Variants in PHACTR1 observed in about 807,000 individuals in gnomAD.
PHACTR1 encodes the protein RPEL repeat containing 1.
PHACTR1 carries 16 observed loss-of-function variants against 69.2 expected under a neutral mutation model. That is an observed-to-expected ratio of 0.23 (90% CI 0.16 to 0.35). PHACTR1 has a LOEUF of 0.35. Among genes scored for constraint, PHACTR1 ranks in the 10% least tolerant of loss-of-function variants. The pLI is 1.00. For synonymous variants in PHACTR1, 312 were observed against 284.5 expected (o/e 1.10, Z -0.97); for missense variants, 510 against 734.7 (o/e 0.69, Z 3.54).
chr6:13,089,109 A>G (rs1812787091), intron 5 of PHACTR1, among the ~76,000 whole-genome samples: 1 of 152,166 alleles, frequency 6.6e-6, no homozygotes, highest in African/African-American at 2.4e-5. Context: ...TCCACTAACA[A>G]GAGGACAAAC....
intron 4 of PHACTR1, among the ~76,000 whole-genome samples, chr6:12,924,067 CTG>C (rs1787999456): frequency 6.6e-6 from 1 of 152,144 alleles, no homozygotes. Flanking sequence ...CAAATACAAA[CTG>C]TGCTTTTTGT....
chr6:12,961,001 C>T (rs748557266), intron 4 of PHACTR1, among the ~76,000 whole-genome samples: 5 of 152,124 alleles, frequency 3.3e-5, no homozygotes, highest in Non-Finnish European at 7.3e-5. Flanking sequence ...GTAAAGATGC[C>T]AAAGGCCCTT....
At chr6:12,816,446 T>G (rs1421100801) in intron 4 of PHACTR1, among the ~76,000 whole-genome samples, 1 of 152,218 alleles carries the variant, frequency 6.6e-6, no homozygotes, top group African/African-American at 2.4e-5. Context: ...AGATAAAGTC[T>G]GATTAGGTTT....
intron 5 of PHACTR1, among the ~76,000 whole-genome samples, chr6:13,134,051 T>C (rs976396899): frequency 1.9e-4 from 28 of 145,838 alleles, no homozygotes; most frequent in African/African-American, 7.0e-4. Context: ...GTGAGGAGTG[T>C]CTCTGCCCTG....
intron 4 of PHACTR1, among the ~76,000 whole-genome samples, chr6:13,036,525 T>C (rs1442476748): frequency 3.9e-5 from 6 of 152,188 alleles, no homozygotes; most frequent in Admixed American, 3.9e-4. Context: ...ATATGTCAAA[T>C]ATGACCAAAA....
chr6:13,093,927 A>G (rs967242679), intron 5 of PHACTR1, among the ~76,000 whole-genome samples: 1 of 152,182 alleles, frequency 6.6e-6, no homozygotes, highest in Non-Finnish European at 1.5e-5. Flanking sequence ...GCTGGGGTGC[A>G]GTGGTGCAAT....
chr6:13,147,595 TG>T (rs749488188), intron 5 of PHACTR1, among the ~76,000 whole-genome samples: 9 of 152,256 alleles, frequency 5.9e-5, no homozygotes, highest in Non-Finnish European at 1.0e-4. Context: ...CACTCTTGTC[TG>T]ACCTATTTGA....
intron 4 of PHACTR1, among the ~76,000 whole-genome samples, chr6:12,817,435 A>G (rs1412741): frequency 0.36 from 54,393 of 152,086 alleles, 10,202 homozygotes; most frequent in African/African-American, 0.44. Context: ...GTCAGATCTG[A>G]GATTGAAACC....
intron 4 of PHACTR1, among the ~76,000 whole-genome samples, chr6:12,956,799 C>T (rs1791947561): frequency 6.6e-6 from 1 of 152,132 alleles, no homozygotes; most frequent in African/African-American, 2.4e-5. Context: ...AGCTTTTCAA[C>T]TGACGACGCA....
chr6:12,944,461 T>C (rs915110201), intron 4 of PHACTR1, among the ~76,000 whole-genome samples: 1 of 152,304 alleles, frequency 6.6e-6, no homozygotes, highest in Non-Finnish European at 1.5e-5. Context: ...ATTTAAAAAA[T>C]AAATTAGAAA....
intron 4 of PHACTR1, among the ~76,000 whole-genome samples, chr6:12,953,211 T>A: frequency 6.6e-6 from 1 of 152,130 alleles, no homozygotes; most frequent in East Asian, 1.9e-4. Flanking sequence ...TAATCCCAGC[T>A]ACTTGAGAGG....
intron 4 of PHACTR1, among the ~76,000 whole-genome samples, chr6:12,921,282 C>A (rs182245228): frequency 6.6e-6 from 1 of 152,286 alleles, no homozygotes; most frequent in Admixed American, 6.5e-5. Flanking sequence ...GGAACCAGCA[C>A]AGGCATTCAC....
At chr6:13,181,150 T>A (rs577132297) in intron 6 of PHACTR1, among the ~76,000 whole-genome samples, 4 of 152,078 alleles carry the variant, frequency 2.6e-5, no homozygotes, top group Non-Finnish European at 5.9e-5. Flanking sequence ...GGCCTGTTGG[T>A]TTGTTGATTA....
chr6:13,229,015 T>G (rs1315259136), intron 9 of PHACTR1, among the ~76,000 whole-genome samples: 3 of 152,220 alleles, frequency 2.0e-5, no homozygotes. Flanking sequence ...TAAGACCTGG[T>G]GAGCTATGAA....
At position 13,179,727 on chromosome 6, in the gene PHACTR1, GATAGATA is replaced by G. The variant is rs1761938241; in HGVS notation, c.497-2791_497-2785del. Among the ~76,000 whole-genome samples the G allele has an allele frequency of 6.7e-6, 1 of 149,034 alleles. No individual in the cohort carries two copies. Among genetic ancestry groups the G allele is most frequent in the Non-Finnish European group, 1.5e-5 (1 of 67,906 alleles). On this transcript the variant is annotated intron_variant, in intron 6 of 14. Transcript: ENST00000332995. The surrounding 1 kb of genome is among the most constrained non-coding windows in gnomAD (Gnocchi z 4.2). ...AGATAGATAGATAGATAGATAGATAGATAGATAGATAGATAGATAGACAGAACAAGGT... is the reference window on the plus strand; with the variant it reads ...AGATAGATAGATAGATAGATAGATAGGATAGATAGATAGACAGAACAAGGT...
intron 5 of PHACTR1, among the ~76,000 whole-genome samples, chr6:13,082,230 C>G (rs182996648): frequency 6.6e-6 from 1 of 152,176 alleles, no homozygotes; most frequent in Admixed American, 6.6e-5. Context: ...ATGTTTCCTT[C>G]TCCTCCACTG....
chr6:13,148,866 A>T (rs1823853663), intron 5 of PHACTR1, among the ~76,000 whole-genome samples: 1 of 152,220 alleles, frequency 6.6e-6, no homozygotes, highest in Non-Finnish European at 1.5e-5. Flanking sequence ...GGGAATGCAC[A>T]TGAGGGCTGG....
chr6:13,028,971 G>A (rs1320923453), intron 4 of PHACTR1, among the ~76,000 whole-genome samples: 1 of 152,190 alleles, frequency 6.6e-6, no homozygotes, highest in Non-Finnish European at 1.5e-5. Flanking sequence ...CAGAGGGAAG[G>A]AAGGAAGAGT....
intron 4 of PHACTR1, among the ~76,000 whole-genome samples, chr6:12,829,964 A>AAGAG (rs149861206): frequency 0.085 from 8,531 of 99,834 alleles, 517 homozygotes; most frequent in Non-Finnish European, 0.092. Flanking sequence ...TCAAGAAAGA[A>AAGAG]AGAGAGAGAG....
Sources: gnomAD v4.1 joint callset for allele counts (sites outside exome capture counted in the v4.1 genomes callset) on GRCh38, gnomAD v4.1.1 for gene constraint, Gnocchi (gnomAD v3.1) non-coding constraint, MANE v1.5 for transcripts, NCBI Gene and HGNC (gene_info 2026-07-23, HGNC 2026-07-21) for gene names.